The following DDX31 variants were observed in gnomAD, a reference collection of about 807,000 sequenced individuals.
DDX31 encodes the protein ATP-dependent DNA helicase DDX31.
A neutral mutation model predicts 91.3 loss-of-function variants in DDX31; 70 were observed. The ratio of observed to expected loss-of-function variants is 0.77; its 90% CI spans 0.63 to 0.94. DDX31 has a LOEUF of 0.94. Ranked by LOEUF, DDX31 falls within the 40% of genes least tolerant of loss-of-function variation. DDX31 has a pLI of 0.00. For synonymous variants in DDX31, 362 were observed against 350.6 expected, an observed-to-expected ratio of 1.03 and a Z score of -0.36; for missense variants, 902 against 925.0, an observed-to-expected ratio of 0.98 and a Z score of 0.32.
intron 14 of DDX31, among the ~76,000 whole-genome samples, chr9:132,635,366 C>T (rs1310462292): frequency 6.6e-6 from 1 of 152,014 alleles, no homozygotes; most frequent in Non-Finnish European, 1.5e-5. Flanking sequence ...TCATTCCTTC[C>T]ATCCATTTCA....
intron 19 of DDX31, among the ~76,000 whole-genome samples, chr9:132,605,557 C>G (rs1385871563): frequency 1.3e-5 from 2 of 152,182 alleles, no homozygotes; most frequent in Non-Finnish European, 2.9e-5. Flanking sequence ...AGGGGCTGTT[C>G]TCTAAGCTAT....
At chr9:132,658,846 T>C in intron 5 of DDX31, 111 bp from the exon 6 acceptor site, 1 of 967,358 alleles carries the variant, frequency 1.0e-6, no homozygotes, top group East Asian at 2.6e-5. Flanking sequence ...TACTAAATTC[T>C]AGGGAAAGGG....
chr9:132,635,807 G>A (rs1007645338), intron 14 of DDX31, among the ~76,000 whole-genome samples: 1 of 151,810 alleles, frequency 6.6e-6, no homozygotes, highest in Non-Finnish European at 1.5e-5. Flanking sequence ...AGCCAGGCAT[G>A]GTGGTGCATG....
In DDX31 at chr9:132,625,580, G is replaced by T. The variant is rs1180381337; in HGVS notation, c.1713+84C>A. 7 of 936,002 alleles carry T rather than the reference G, an allele frequency of 7.5e-6. No individual in the cohort carries two copies. The African/African-American group carries it at 1.2e-4, about 16-fold the overall frequency. 58.0% of individuals were successfully genotyped at this position (936,002 alleles called of 1,614,324 possible). A position where few individuals can be genotyped will look rare whatever the true frequency, so the allele number is the denominator to read the frequency against. On this transcript the variant is annotated intron_variant, in intron 17 of 19. Transcript: ENST00000372159. ...ATAAATGTATTGCTTGACAGAGGAA[G>T]TAACCCATACACAAAGTCTCTACTA...
intron 12 of DDX31, 55 bp downstream of exon 12, chr9:132,646,768 C>A: frequency 1.3e-6 from 2 of 1,561,904 alleles, no homozygotes; most frequent in South Asian, 1.1e-5. Flanking sequence ...TGGCTTAACA[C>A]AAGAAAGCAG....
intron 3 of DDX31, among the ~76,000 whole-genome samples, chr9:132,661,756 T>A (rs904468833): frequency 1.3e-5 from 2 of 152,170 alleles, no homozygotes; most frequent in Non-Finnish European, 2.9e-5. Context: ...AGAACTCACT[T>A]TTTTTCCTTT....
intron 17 of DDX31, among the ~76,000 whole-genome samples, chr9:132,619,588 CTT>C (rs1831878132): frequency 6.6e-6 from 1 of 152,184 alleles, no homozygotes; most frequent in South Asian, 2.1e-4. Flanking sequence ...TATTAAGAGA[CTT>C]AACAACGTGA....
intron 18 of DDX31, among the ~76,000 whole-genome samples, chr9:132,615,624 T>C (rs999568573): frequency 2.0e-5 from 3 of 152,204 alleles, no homozygotes; most frequent in Admixed American, 2.0e-4. Context: ...GAGTTCCTGG[T>C]CTGCAGGAAG....
At chr9:132,624,702 A>G (rs377294297) in intron 17 of DDX31, among the ~76,000 whole-genome samples, 2 of 152,214 alleles carry the variant, frequency 1.3e-5, no homozygotes, top group East Asian at 1.9e-4. Context: ...CCGTGCACAT[A>G]AAGAGTGTAG....
intron 19 of DDX31, among the ~76,000 whole-genome samples, chr9:132,596,285 C>T (rs1830428309): frequency 6.6e-6 from 1 of 152,200 alleles, no homozygotes; most frequent in African/African-American, 2.4e-5. Context: ...CTTGTAGAAA[C>T]CCATTATAAA....
intron 5 of DDX31, 87 bp from the exon 6 acceptor site, chr9:132,658,822 C>T: frequency 1.6e-6 from 2 of 1,257,982 alleles, no homozygotes; most frequent in Non-Finnish European, 2.3e-6. Context: ...ACAGGCTCTG[C>T]TATCTTCCAG....
At chr9:132,653,318 AC>A (rs1357510273) in intron 6 of DDX31, among the ~76,000 whole-genome samples, 1 of 151,380 alleles carries the variant, frequency 6.6e-6, no homozygotes, top group Non-Finnish European at 1.5e-5. Context: ...ACATGGTGAA[AC>A]CCCGTCTCTA....
chr9:132,614,675 C>G (rs77329946), intron 18 of DDX31, among the ~76,000 whole-genome samples: 1,596 of 152,292 alleles, frequency 0.01, 27 homozygotes, highest in South Asian at 0.018. Flanking sequence ...CTCTCCTCCT[C>G]TCCACCAATC....
At chr9:132,621,544 A>G (rs370762968) in intron 17 of DDX31, among the ~76,000 whole-genome samples, 307 of 152,344 alleles carry the variant, frequency 2.0e-3, no homozygotes, top group African/African-American at 6.7e-3. Context: ...AGGGACATTT[A>G]CCATGGGCTT....
At chr9:132,638,150 T>C in intron 14 of DDX31, 1 of 1,385,378 alleles carries the variant, frequency 7.2e-7, no homozygotes, top group Admixed American at 3.1e-5. Flanking sequence ...GCTGCAGGTA[T>C]CTTTCCTTTC....
intron 14 of DDX31, among the ~76,000 whole-genome samples, chr9:132,639,286 T>A (rs937786614): frequency 1.3e-5 from 2 of 151,040 alleles, no homozygotes; most frequent in African/African-American, 4.9e-5. Flanking sequence ...GAACCGGCCC[T>A]CCTGTTCTGG....
chr9:132,623,243 C>T (rs906535173), intron 17 of DDX31, among the ~76,000 whole-genome samples: 1 of 151,526 alleles, frequency 6.6e-6, no homozygotes, highest in African/African-American at 2.4e-5. Flanking sequence ...ACTTTACGTG[C>T]GAAGAAACTG....
At chr9:132,619,019 T>C (rs1293117290) in intron 17 of DDX31, among the ~76,000 whole-genome samples, 3 of 152,184 alleles carry the variant, frequency 2.0e-5, no homozygotes, top group Non-Finnish European at 2.9e-5. Flanking sequence ...CAGGAACCTA[T>C]TAAGGAGTGA....
chr9:132,648,651 C>T, intron 9 of DDX31, 100 bp from the exon 10 acceptor site: 2 of 1,414,072 alleles, frequency 1.4e-6, no homozygotes, highest in Non-Finnish European at 1.9e-6. Context: ...ATTTCATGTA[C>T]AGTGCAAACG....
Sources: gnomAD v4.1 joint callset for allele counts (sites outside exome capture counted in the v4.1 genomes callset) on GRCh38, gnomAD v4.1.1 for gene constraint, MANE v1.5 for transcripts, NCBI Gene and HGNC (gene_info 2026-07-23, HGNC 2026-07-21) for gene names.